LINC00305: variants seen among roughly 807,000 people sequenced by gnomAD.
LINC00305 encodes the protein long intergenic non-protein coding RNA 305.
intron 1 of LINC00305, among the ~76,000 whole-genome samples, chr18:64,105,135 T>C (rs1265112395): frequency 6.6e-6 from 1 of 152,184 alleles, no homozygotes; most frequent in African/African-American, 2.4e-5. Context: ...ACCTGCCATG[T>C]AGCTTCCCTG....
intron 1 of LINC00305, among the ~76,000 whole-genome samples, chr18:64,122,043 T>C (rs1293378122): frequency 6.6e-6 from 1 of 152,130 alleles, no homozygotes; most frequent in East Asian, 1.9e-4. Flanking sequence ...CTTCTTTGAT[T>C]TTTTGTTGAG....
At chr18:64,092,615 T>C (rs1389264061) in intron 3 of LINC00305, among the ~76,000 whole-genome samples, 4 of 152,130 alleles carry the variant, frequency 2.6e-5, no homozygotes, top group Non-Finnish European at 5.9e-5. Context: ...AAATTAAGGA[T>C]GATGGGATGT....
chr18:64,129,249 G>T (rs200143971), intron 1 of LINC00305, among the ~76,000 whole-genome samples: 2 of 152,184 alleles, frequency 1.3e-5, no homozygotes, highest in East Asian at 3.9e-4. Flanking sequence ...TTAACACCTA[G>T]TTGAACAATA....
chr18:64,116,399 A>G (rs1397757677), intron 1 of LINC00305, among the ~76,000 whole-genome samples: 1 of 152,224 alleles, frequency 6.6e-6, no homozygotes. Flanking sequence ...GAACATATTA[A>G]TTGCATAAAC....
chr18:64,114,035 C>G (rs928338520), intron 1 of LINC00305, among the ~76,000 whole-genome samples: 1 of 152,098 alleles, frequency 6.6e-6, no homozygotes, highest in African/African-American at 2.4e-5. Context: ...TTTGGGAGAC[C>G]GAGGCGGGCG....
intron 1 of LINC00305, among the ~76,000 whole-genome samples, chr18:64,125,884 C>T (rs540192284): frequency 6.6e-6 from 1 of 152,132 alleles, no homozygotes; most frequent in South Asian, 2.1e-4. Context: ...GAGTTTGGTT[C>T]TTTTCTCTGT....
intron 1 of LINC00305, among the ~76,000 whole-genome samples, chr18:64,122,108 C>T (rs1483862495): frequency 2.0e-5 from 3 of 151,872 alleles, no homozygotes; most frequent in Non-Finnish European, 2.9e-5. Context: ...ATGAATAGTT[C>T]GCAAATATTT....
At chr18:64,086,401 A>G (rs2051203608) in intron 3 of LINC00305, among the ~76,000 whole-genome samples, 1 of 152,220 alleles carries the variant, frequency 6.6e-6, no homozygotes, top group Non-Finnish European at 1.5e-5. Context: ...GAAAAACAAT[A>G]TGGATAATTT....
intron 1 of LINC00305, among the ~76,000 whole-genome samples, chr18:64,117,237 TATC>T (rs945622273): frequency 4.6e-5 from 7 of 152,160 alleles, no homozygotes; most frequent in Non-Finnish European, 8.8e-5. Context: ...TTAGTTAAAT[TATC>T]ATCCCCAAAG....
chr18:64,112,101 C>T (rs2051317078), intron 1 of LINC00305, among the ~76,000 whole-genome samples: 1 of 152,108 alleles, frequency 6.6e-6, no homozygotes, highest in African/African-American at 2.4e-5. Context: ...GACAGTCCTT[C>T]ATTCTCAGTA....
intron 1 of LINC00305, among the ~76,000 whole-genome samples, chr18:64,143,644 T>TATGTACATATGTAC (rs2051479519): frequency 7.1e-6 from 1 of 140,134 alleles, no homozygotes; most frequent in African/African-American, 2.9e-5. Context: ...GTATTATGTA[T>TATGTACATATGTAC]ACATATGTAT....
intron 1 of LINC00305, among the ~76,000 whole-genome samples, chr18:64,115,444 G>C (rs2051333367): frequency 6.6e-6 from 1 of 152,136 alleles, no homozygotes; most frequent in South Asian, 2.1e-4. Context: ...AAATGAGGTA[G>C]GAATGATTTG....
At chr18:64,123,272 A>G (rs2051370108) in intron 1 of LINC00305, among the ~76,000 whole-genome samples, 2 of 152,010 alleles carry the variant, frequency 1.3e-5, no homozygotes, top group South Asian at 2.1e-4. Flanking sequence ...CAACTTCCCT[A>G]GTTTATCTCT....
chr18:64,111,294 A>G (rs1383757483), intron 1 of LINC00305, among the ~76,000 whole-genome samples: 1 of 152,164 alleles, frequency 6.6e-6, no homozygotes, highest in Non-Finnish European at 1.5e-5. Flanking sequence ...ATAGGGATTA[A>G]GGCAGGGCAT....
intron 1 of LINC00305, among the ~76,000 whole-genome samples, chr18:64,137,380 T>C (rs2051439759): frequency 6.6e-6 from 1 of 152,242 alleles, no homozygotes; most frequent in African/African-American, 2.4e-5. Context: ...TTTGTGGCAC[T>C]TTGTTAGGAC....
chr18:64,100,761 A>G (rs2051265050), intron 1 of LINC00305, among the ~76,000 whole-genome samples: 1 of 152,096 alleles, frequency 6.6e-6, no homozygotes. Flanking sequence ...GTGTCCATAT[A>G]TGGCTTCCTG....
intron 1 of LINC00305, among the ~76,000 whole-genome samples, chr18:64,141,169 A>C (rs1159155536): frequency 6.6e-6 from 1 of 151,826 alleles, no homozygotes; most frequent in Non-Finnish European, 1.5e-5. Context: ...AACTGAGCCC[A>C]CCACACCTTT....
intron 1 of LINC00305, among the ~76,000 whole-genome samples, chr18:64,146,879 A>C (rs1409682122): frequency 6.6e-6 from 1 of 152,168 alleles, no homozygotes; most frequent in East Asian, 1.9e-4. Context: ...ACCACTGTTA[A>C]TAAGTAGTGG....
chr18:64,100,131 T>G (rs548812954), intron 1 of LINC00305, among the ~76,000 whole-genome samples: 1 of 152,262 alleles, frequency 6.6e-6, no homozygotes, highest in South Asian at 2.1e-4. Context: ...GTTTAAGTTT[T>G]CCATTAAATA....
Sources: allele counts gnomAD v4.1 joint callset (sites outside exome capture counted in the v4.1 genomes callset), GRCh38; gene constraint gnomAD v4.1.1; transcripts MANE v1.5; gene names NCBI Gene and HGNC (gene_info 2026-07-23, HGNC 2026-07-21).